TSHR: variants seen among roughly 807,000 people sequenced by gnomAD.
TSHR encodes the protein thyroid stimulating hormone receptor.
A neutral mutation model predicts 64.1 loss-of-function variants in TSHR; 51 were observed. The observed-to-expected ratio is 0.80, with a 90% confidence interval of 0.64 to 1.01. TSHR has a LOEUF of 1.01. TSHR is among the 50% of genes least tolerant of loss of function. TSHR has a pLI of 0.00. For synonymous variants in TSHR, 361 were observed against 361.9 expected (o/e 1.00, Z 0.03); for missense variants, 877 against 942.8 (o/e 0.93, Z 0.91).
chr14:81,021,222 TTGGGAACCGCTGCTCTAGAA>T lies in TSHR; in HGVS notation c.171-40923_171-40904del, dbSNP rs1250671860. On this transcript the variant is annotated intron_variant, in intron 1 of 9. Coordinates refer to ENST00000298171, the MANE Select transcript of TSHR (RefSeq NM_000369.5). ...AAACTGGTCCCTGGTACCAAAAAGG[TTGGGAACCGCTGCTCTAGAA>T]TGTCCCCCTTGGCTGAGGAGTCCCT... Among the ~76,000 whole-genome samples, 45 of 152,212 alleles carry T rather than the reference TTGGGAACCGCTGCTCTAGAA, an allele frequency of 3.0e-4. 1 individual carries two copies. Among genetic ancestry groups the T allele is most frequent in the Middle Eastern group, 3.4e-3 (1 of 294 alleles).
At chr14:81,046,303 A>G (rs960212821) in intron 1 of TSHR, among the ~76,000 whole-genome samples, 10 of 152,184 alleles carry the variant, frequency 6.6e-5, no homozygotes, top group African/African-American at 2.2e-4. Flanking sequence ...AACAACCTCA[A>G]AAAAATAAAA....
intron 1 of TSHR, among the ~76,000 whole-genome samples, chr14:81,057,687 A>C (rs1885922576): frequency 6.6e-6 from 1 of 152,206 alleles, no homozygotes; most frequent in South Asian, 2.1e-4. Flanking sequence ...GAGGCCCTTA[A>C]GATGAAGATG....
At chr14:81,098,680 C>A (rs1889374951) in intron 7 of TSHR, among the ~76,000 whole-genome samples, 1 of 152,096 alleles carries the variant, frequency 6.6e-6, no homozygotes, top group African/African-American at 2.4e-5. Context: ...ATAAAGGCAA[C>A]AAAGACTCAC....
intron 1 of TSHR, among the ~76,000 whole-genome samples, chr14:80,997,110 C>T (rs1158279436): frequency 1.3e-5 from 2 of 152,094 alleles, no homozygotes; most frequent in Admixed American, 6.6e-5. Context: ...TTTTATTGCT[C>T]CCATTTTACA....
chr14:81,139,554 C>A, intron 8 of TSHR, 125 bp from the exon 9 acceptor site: 2 of 978,896 alleles, frequency 2.0e-6, no homozygotes, highest in Non-Finnish European at 1.6e-6. Context: ...AGCTTATGTA[C>A]TCAGTAGAAG....
chr14:81,066,519 A>G (rs941064031), intron 2 of TSHR, among the ~76,000 whole-genome samples: 2 of 152,220 alleles, frequency 1.3e-5, no homozygotes, highest in African/African-American at 4.8e-5. Flanking sequence ...TCAAAATAGA[A>G]AGCACAGAGC....
At chr14:80,990,729 A>G (rs1458103025) in intron 1 of TSHR, among the ~76,000 whole-genome samples, 1 of 151,904 alleles carries the variant, frequency 6.6e-6, no homozygotes. Context: ...GTCTCGGCTT[A>G]CCGCAACCTC....
At chr14:81,105,187 A>G in intron 7 of TSHR, 1 of 985,424 alleles carries the variant, frequency 1.0e-6, no homozygotes, top group Non-Finnish European at 1.2e-6. Context: ...TGTGGATTTC[A>G]GAAGAATCAA....
At position 81,070,519 on chromosome 14, in the gene TSHR, C is replaced by T. The variant is rs1042666953; in HGVS notation, c.317+2191C>T. On this transcript the variant is annotated intron_variant, in intron 3 of 9. Transcript: ENST00000298171. ...GTGTGTCCCTGTAATCCCAGCTACT[C>T]GGGAGGCTGAGGCAGGGAATCACTT... is the stretch of plus-strand genomic sequence containing the variant. 6.2e-5 allele frequency among the ~76,000 whole-genome samples: 9 copies of T among 144,508 alleles called. No individual in the cohort carries two copies. The South Asian group carries it at 1.9e-3, about 30-fold the overall frequency. 94.8% of individuals were successfully genotyped at this position (144,508 alleles called of 152,430 possible).
At position 81,144,858 on chromosome 14, in the gene TSHR, C is replaced by T. The variant is rs1891870939; in HGVS notation, c.*505C>T. ...CTTAAAACTGAAAAGCCAAACACAG[C>T]TAGCTGTCATACAAGAAACAGCTAT... On this transcript the variant is annotated 3_prime_UTR_variant, in exon 10 of 10. Transcript: ENST00000298171. 4.2e-6 allele frequency: 1 copy of T among 238,520 alleles called. No individual in the cohort carries two copies. The highest frequency in any genetic ancestry group is 8.2e-6 in the Non-Finnish European group (1 of 121,544). The allele number at this position is 238,520 out of a possible 1,614,324, so 14.8% of individuals were successfully genotyped here. A position where few individuals can be genotyped will look rare whatever the true frequency, so the allele number is the denominator to read the frequency against.
chr14:80,971,245 C>T (rs978811272), intron 1 of TSHR, among the ~76,000 whole-genome samples: 3 of 152,156 alleles, frequency 2.0e-5, no homozygotes, highest in African/African-American at 7.2e-5. Flanking sequence ...AGCTAGGCTT[C>T]TTTCTACTTT....
chr14:80,970,694 C>T (rs1229543196), intron 1 of TSHR, among the ~76,000 whole-genome samples: 1 of 152,230 alleles, frequency 6.6e-6, no homozygotes, highest in African/African-American at 2.4e-5. Context: ...TGGCAGCCTT[C>T]TGAGTTATCT....
chr14:81,034,931 T>C (rs900189140), intron 1 of TSHR, among the ~76,000 whole-genome samples: 2 of 152,134 alleles, frequency 1.3e-5, no homozygotes, highest in African/African-American at 2.4e-5. Context: ...GAATCTACAG[T>C]TTAAAAAATA....
At chr14:80,997,271 T>C (rs986353820) in intron 1 of TSHR, among the ~76,000 whole-genome samples, 7 of 152,222 alleles carry the variant, frequency 4.6e-5, no homozygotes, top group Non-Finnish European at 1.0e-4. Context: ...CACAGTTATA[T>C]TGTACATTAC....
Position 81,144,031 on chromosome 14 carries a change from A to G in TSHR, c.1973A>G (p.Asn658Ser), listed in dbSNP as rs1475137061. The G allele has an allele frequency of 1.9e-6, 3 of 1,613,838 alleles. No homozygotes were observed. Among genetic ancestry groups the G allele is most frequent in the African/African-American group, 2.7e-5 (2 of 74,830 alleles). The stretch of plus-strand genomic sequence containing the variant: ...AACAAGCCTCTCATCACTGTTAGCA[A>G]CTCCAAAATCTTGCTGGTACTCTTC... ...ILNKPLITVS[N>S]SKILLVLFYP... Residue 658 changes from asparagine to serine, a missense_variant, in exon 10 of 10, where the codon AAC (asparagine) becomes AGC (serine). Asn to Ser is a conservative substitution (Grantham distance 46, BLOSUM62 1). Coordinates refer to ENST00000298171, the MANE Select transcript of TSHR (RefSeq NM_000369.5).
intron 8 of TSHR, among the ~76,000 whole-genome samples, chr14:81,121,523 A>G (rs1177586788): frequency 1.3e-5 from 2 of 152,230 alleles, no homozygotes; most frequent in Non-Finnish European, 2.9e-5. Flanking sequence ...AACAGTGATC[A>G]ACACAGGAAA....
intron 8 of TSHR, among the ~76,000 whole-genome samples, chr14:81,114,261 G>C (rs1462942981): frequency 6.6e-6 from 1 of 152,162 alleles, no homozygotes; most frequent in Non-Finnish European, 1.5e-5. Context: ...ATTTCCATCT[G>C]AGGTACCAGG....
At chr14:80,981,731 G>A (rs137932694) in intron 1 of TSHR, among the ~76,000 whole-genome samples, 11 of 152,170 alleles carry the variant, frequency 7.2e-5, no homozygotes, top group African/African-American at 2.2e-4. Context: ...TTGGATTGTC[G>A]GACGACCATC....
At chr14:80,988,690 T>G (rs1489019681) in intron 1 of TSHR, among the ~76,000 whole-genome samples, 1 of 152,216 alleles carries the variant, frequency 6.6e-6, no homozygotes, top group African/African-American at 2.4e-5. Context: ...TGGATGCATT[T>G]GGTCCACTAA....
Sources: allele counts gnomAD v4.1 joint callset (sites outside exome capture counted in the v4.1 genomes callset), GRCh38; gene constraint gnomAD v4.1.1; transcripts MANE v1.5; gene names NCBI Gene and HGNC (gene_info 2026-07-23, HGNC 2026-07-21).